Variants in RBM26 observed in about 807,000 individuals in gnomAD.
The protein encoded by RBM26 is RNA binding motif protein 26, also known as RNA-binding protein 26.
A neutral mutation model predicts 123.6 loss-of-function variants in RBM26; 30 were observed. The observed-to-expected ratio is 0.24, with a 90% CI of 0.18 to 0.33. The LOEUF (loss-of-function observed/expected upper bound fraction) is 0.33. RBM26 is among the 10% of genes least tolerant of loss of function. The probability of loss-of-function intolerance (pLI) is 1.00; values close to 1 mark genes in which losing one functional copy is unlikely to be tolerated. For missense variants in RBM26, 947 were observed against 1,203.6 expected, an observed-to-expected ratio of 0.79 and a Z score of 3.15; for synonymous variants, 400 against 404.4, an observed-to-expected ratio of 0.99 and a Z score of 0.13.
At chr13:79,347,044 G>C (rs1052090636) in intron 14 of RBM26, among the ~76,000 whole-genome samples, 9 of 152,146 alleles carry the variant, frequency 5.9e-5, no homozygotes, top group African/African-American at 1.9e-4. Context: ...ATTTAACCAA[G>C]TATTTCTCCA....
intron 1 of RBM26, among the ~76,000 whole-genome samples, chr13:79,396,458 C>T (rs76680110): frequency 5.9e-5 from 9 of 152,152 alleles, no homozygotes; most frequent in African/African-American, 9.6e-5. Context: ...AGTTATTAAA[C>T]GAATAGTAAG....
rs766796622 is a variant in RBM26, at chr13:79,368,853, T to C, written c.772A>G (p.Ile258Val). Reference sequence around the variant, plus strand: ...TTGTTTCCATGATGAGTAGGAGCAATTACTGTAATAGTGCTGCTCAAAGTA... The same window carrying C: ...TTGTTTCCATGATGAGTAGGAGCAACTACTGTAATAGTGCTGCTCAAAGTA... ...VPTLSSTITV[I>V]APTHHGNNTT... The change falls in exon 6 of 22, where the codon ATT (isoleucine) becomes GTT (valine). Residue 258 changes from isoleucine to valine, a missense_variant. Transcript: ENST00000438737. 7 of 1,613,954 alleles carry C rather than the reference T, an allele frequency of 4.3e-6. No individual in the cohort carries two copies. The highest frequency in any genetic ancestry group is 5.1e-6 in the Non-Finnish European group (6 of 1,179,896).
chr13:79,328,992 T>C (rs2068875808), intron 20 of RBM26, among the ~76,000 whole-genome samples: 1 of 150,586 alleles, frequency 6.6e-6, no homozygotes, highest in African/African-American at 2.4e-5. Context: ...ATGGCAAGAG[T>C]GTAGGGAAAA....
chr13:79,319,249 A>C lies in RBM26; in HGVS notation c.*1372T>G. ...ATTGTGAGGACCCCAATATGGAAGAAAGTAATTTTTTAAATGTGATTTTTT... is the reference window on the plus strand; with the variant it reads ...ATTGTGAGGACCCCAATATGGAAGACAGTAATTTTTTAAATGTGATTTTTT... On this transcript the variant is annotated 3_prime_UTR_variant, in exon 22 of 22. Coordinates refer to ENST00000438737, the MANE Select transcript of RBM26 (RefSeq NM_001366735.2). 1 of 984,096 alleles carries C rather than the reference A, an allele frequency of 1.0e-6. No homozygotes were observed. The highest frequency in any genetic ancestry group is 1.2e-6 in the Non-Finnish European group (1 of 828,920). The allele number at this position is 984,096 out of a possible 1,614,324, so 61.0% of individuals were successfully genotyped here. A position where few individuals can be genotyped will look rare whatever the true frequency, so the allele number is the denominator to read the frequency against.
At chr13:79,367,925 T>A (rs1438908346) in intron 6 of RBM26, among the ~76,000 whole-genome samples, 1 of 152,196 alleles carries the variant, frequency 6.6e-6, no homozygotes, top group Non-Finnish European at 1.5e-5. Context: ...ATGTCCTTCA[T>A]TTAAATCTCT....
downstream of RBM26, chr13:79,314,043 C>T (rs1488050183): frequency 6.6e-6 from 1 of 151,634 alleles, no homozygotes; most frequent in Non-Finnish European, 1.5e-5. Context: ...AAACTAAGTG[C>T]AAACATTTCT....
chr13:79,345,629 C>T (rs910558289), intron 14 of RBM26, among the ~76,000 whole-genome samples: 1 of 151,694 alleles, frequency 6.6e-6, no homozygotes, highest in Non-Finnish European at 1.5e-5. Context: ...TCAGTTTGCT[C>T]ATCTATAAAA....
In RBM26 at chr13:79,319,148, G is replaced by A; in HGVS notation, c.*1473C>T. On this transcript the variant is annotated 3_prime_UTR_variant, in exon 22 of 22. Coordinates refer to ENST00000438737, the MANE Select transcript of RBM26 (RefSeq NM_001366735.2). ...TCAACCCCAATTAGGGGTGTATGGG[G>A]AAGAAGAAAAAGAACAGCATCCTTA... 1 of 984,630 alleles carries A rather than the reference G, an allele frequency of 1.0e-6. No homozygotes were observed. The allele number at this position is 984,630 out of a possible 1,614,324, so 61.0% of individuals were successfully genotyped here.
rs1226827454 is a variant in RBM26 at position 79,378,203 on chromosome 13, T to C, written c.190+586A>G. Among the ~76,000 whole-genome samples the C allele has an allele frequency of 2.0e-5, 3 of 152,198 alleles. No individual in the cohort carries two copies. The East Asian group carries it at 5.8e-4, about 29-fold the overall frequency. Reference sequence around the variant, plus strand: ...ATGCGCTAGGTAAGATTCAAAGCAGTTTCCTAAGCAGTACTGGCTTTAAAT... The same window carrying C: ...ATGCGCTAGGTAAGATTCAAAGCAGCTTCCTAAGCAGTACTGGCTTTAAAT... On this transcript the variant is annotated intron_variant, in intron 2 of 21. Transcript: ENST00000438737.
rs1161989596 is a variant in RBM26, at chr13:79,392,843, A to G, written c.71+12861T>C. On this transcript the variant is annotated intron_variant, in intron 1 of 21. Coordinates refer to ENST00000438737, the MANE Select transcript of RBM26 (RefSeq NM_001366735.2). ...AACTAACTATATTCTAGAAAGTGAC[A>G]AACTCTTCAGAAGAGCAAAGAAACT... 2.0e-5 allele frequency among the ~76,000 whole-genome samples: 3 copies of G among 152,010 alleles called. No homozygotes were observed. In the East Asian group the frequency reaches 5.8e-4, roughly 29 times the overall value.
intron 1 of RBM26, among the ~76,000 whole-genome samples, chr13:79,390,443 GT>G (rs2077861812): frequency 6.6e-6 from 1 of 152,132 alleles, no homozygotes; most frequent in African/African-American, 2.4e-5. Context: ...CTAGAGGTAG[GT>G]GGGGGCATGG....
At chr13:79,354,401 A>G in intron 13 of RBM26, 38 bp downstream of exon 13, 1 of 1,432,474 alleles carries the variant, frequency 7.0e-7, no homozygotes, top group South Asian at 1.8e-5. Flanking sequence ...AATTACTGAG[A>G]ACCTATTACG....
chr13:79,329,284 G>C (rs2068922097), intron 20 of RBM26, among the ~76,000 whole-genome samples: 1 of 151,778 alleles, frequency 6.6e-6, no homozygotes, highest in Non-Finnish European at 1.5e-5. Flanking sequence ...TAAATGCAAA[G>C]TATCAGTATG....
intron 20 of RBM26, among the ~76,000 whole-genome samples, chr13:79,327,629 T>TA (rs990950754): frequency 1.3e-5 from 2 of 151,914 alleles, no homozygotes; most frequent in African/African-American, 2.4e-5. Context: ...ACACATTTAA[T>TA]AAAAAAAGAT....
intron 14 of RBM26, among the ~76,000 whole-genome samples, chr13:79,345,625 T>C (rs986071556): frequency 4.6e-5 from 7 of 151,838 alleles, no homozygotes; most frequent in Non-Finnish European, 8.8e-5. Context: ...GGCCTCAGTT[T>C]GCTCATCTAT....
At chr13:79,389,906 G>C (rs1428151285) in intron 1 of RBM26, among the ~76,000 whole-genome samples, 1 of 152,070 alleles carries the variant, frequency 6.6e-6, no homozygotes, top group East Asian at 1.9e-4. Flanking sequence ...GGAACCACTG[G>C]AAAGAATAGG....
Position 79,378,920 on chromosome 13 carries a change from A to C in RBM26, c.72-13T>G, listed in dbSNP as rs2076857020. ...ATCTGCATCACAGCTAAAGAAAAAA[A>C]CCAATGTTGAAGAAAATTTAGCCAA... On this transcript the variant is annotated splice_polypyrimidine_tract_variant and intron_variant, in intron 1 of 21. Transcript: ENST00000438737. 3 of 1,526,308 alleles carry C rather than the reference A, an allele frequency of 2.0e-6. No individual in the cohort carries two copies. Among genetic ancestry groups the C allele is most frequent in the Non-Finnish European group, 2.7e-6 (3 of 1,114,162 alleles). 94.5% of individuals were successfully genotyped at this position (1,526,308 alleles called of 1,614,324 possible). A position where few individuals can be genotyped will look rare whatever the true frequency, so the allele number is the denominator to read the frequency against.
intron 14 of RBM26, among the ~76,000 whole-genome samples, chr13:79,352,507 T>G (rs938327968): frequency 6.6e-6 from 1 of 151,838 alleles, no homozygotes; most frequent in Non-Finnish European, 1.5e-5. Flanking sequence ...ATAAGATATA[T>G]CCATAAATGG....
chr13:79,396,102 C>A (rs1343769240), intron 1 of RBM26, among the ~76,000 whole-genome samples: 2 of 152,106 alleles, frequency 1.3e-5, no homozygotes, highest in Admixed American at 1.3e-4. Context: ...GGAAAACAGA[C>A]ACATTACATT....
Sources: allele counts gnomAD v4.1 joint callset (sites outside exome capture counted in the v4.1 genomes callset), GRCh38; gene constraint gnomAD v4.1.1; transcripts MANE v1.5; gene names NCBI Gene and HGNC (gene_info 2026-07-23, HGNC 2026-07-21).